PAFAH1B1: variants seen among roughly 807,000 people sequenced by gnomAD.
PAFAH1B1 encodes platelet activating factor acetylhydrolase 1b regulatory subunit 1, also known as platelet-activating factor acetylhydrolase IB subunit beta.
In PAFAH1B1, 2 loss-of-function variants were observed where a neutral mutation model predicts 57.5. That is an observed-to-expected ratio of 0.03 (90% CI 0.01 to 0.11). PAFAH1B1 has a LOEUF of 0.11. Among genes scored for constraint, PAFAH1B1 ranks in the 10% least tolerant of loss-of-function variants. PAFAH1B1 has a pLI of 1.00. For synonymous variants in PAFAH1B1, 152 were observed against 169.6 expected, an observed-to-expected ratio of 0.90 and a Z score of 0.81; for missense variants, 257 against 512.0, an observed-to-expected ratio of 0.50 and a Z score of 4.81.
At chr17:2,679,053 G>T (rs2069320590) in intron 9 of PAFAH1B1, among the ~76,000 whole-genome samples, 2 of 152,034 alleles carry the variant, frequency 1.3e-5, no homozygotes, top group Non-Finnish European at 2.9e-5. Flanking sequence ...GGCGTACATG[G>T]ACAGTAGCTA....
intron 2 of PAFAH1B1, among the ~76,000 whole-genome samples, chr17:2,653,848 G>T (rs956845976): frequency 6.6e-5 from 10 of 151,822 alleles, no homozygotes; most frequent in African/African-American, 2.2e-4. Flanking sequence ...ATACTCTGTT[G>T]CCCAGGCTGG....
intron 9 of PAFAH1B1, among the ~76,000 whole-genome samples, chr17:2,677,284 T>A (rs1279372161): frequency 6.6e-6 from 1 of 152,240 alleles, no homozygotes; most frequent in Non-Finnish European, 1.5e-5. Context: ...TTAACTGTTA[T>A]ACCTCCTTGC....
intron 1 of PAFAH1B1, among the ~76,000 whole-genome samples, chr17:2,614,263 A>G (rs140551132): frequency 1.3e-5 from 2 of 151,996 alleles, no homozygotes; most frequent in Non-Finnish European, 2.9e-5. Flanking sequence ...CCTGAGCTCA[A>G]GGGATCCTCA....
At chr17:2,680,017 A>C (rs747064499) in intron 9 of PAFAH1B1, 147 bp from the exon 10 acceptor site, 2 of 751,384 alleles carry the variant, frequency 2.7e-6, no homozygotes, top group East Asian at 5.0e-5. Flanking sequence ...ATGAGTTTTC[A>C]GTTTCCTTTA....
At chr17:2,672,495 C>T (rs921462124) in intron 6 of PAFAH1B1, among the ~76,000 whole-genome samples, 160 bp from the exon 7 acceptor site, 19 of 151,666 alleles carry the variant, frequency 1.3e-4, no homozygotes, top group East Asian at 7.8e-4. Flanking sequence ...TTAACTTTAT[C>T]GTGTAAATCC....
At chr17:2,664,927 G>C (rs1219315271) in intron 2 of PAFAH1B1, among the ~76,000 whole-genome samples, 1 of 151,922 alleles carries the variant, frequency 6.6e-6, no homozygotes, top group Non-Finnish European at 1.5e-5. Flanking sequence ...AAATACTTTA[G>C]TTTTCTCAAA....
chr17:2,632,645 G>C (rs1355455838), intron 1 of PAFAH1B1, among the ~76,000 whole-genome samples: 1 of 152,058 alleles, frequency 6.6e-6, no homozygotes, highest in African/African-American at 2.4e-5. Flanking sequence ...AAATATGTCT[G>C]TACTGAATAT....
intron 1 of PAFAH1B1, among the ~76,000 whole-genome samples, chr17:2,614,963 C>A (rs1006440063): frequency 6.6e-6 from 1 of 152,176 alleles, no homozygotes; most frequent in African/African-American, 2.4e-5. Flanking sequence ...TTTGTCCTCA[C>A]ATTCCTTCCC....
chr17:2,602,812 C>T (rs2068160264), intron 1 of PAFAH1B1, among the ~76,000 whole-genome samples: 1 of 152,228 alleles, frequency 6.6e-6, no homozygotes, highest in Non-Finnish European at 1.5e-5. Context: ...TATTCGTTTA[C>T]TCCTCACAAC....
intron 8 of PAFAH1B1, among the ~76,000 whole-genome samples, chr17:2,676,032 C>T (rs544264339): frequency 6.6e-6 from 1 of 152,260 alleles, no homozygotes; most frequent in Admixed American, 6.5e-5. Context: ...CTGAGTCCTT[C>T]CTGTGTAGCA....
chr17:2,654,948 T>C (rs555434683), intron 2 of PAFAH1B1, among the ~76,000 whole-genome samples: 3,703 of 150,312 alleles, frequency 0.025, 163 homozygotes, highest in African/African-American at 0.087. Flanking sequence ...GGCTTTTTTT[T>C]TTCTTCTTTT....
chr17:2,644,266 G>A (rs1252053976), intron 2 of PAFAH1B1, among the ~76,000 whole-genome samples: 8 of 151,960 alleles, frequency 5.3e-5, no homozygotes. Flanking sequence ...TGTAGGCTGG[G>A]CACAGTGACT....
intron 1 of PAFAH1B1, among the ~76,000 whole-genome samples, chr17:2,626,770 G>T (rs1248394588): frequency 6.6e-6 from 1 of 151,996 alleles, no homozygotes; most frequent in African/African-American, 2.4e-5. Flanking sequence ...GGCCAGGCTG[G>T]TCTTGAAGTC....
chr17:2,670,133 G>T (rs562369565), intron 5 of PAFAH1B1, 30 bp from the exon 6 acceptor site: 3 of 1,607,476 alleles, frequency 1.9e-6, no homozygotes, highest in South Asian at 1.1e-5. Context: ...GATGGAGTTG[G>T]TGTTAACCAA....
intron 4 of PAFAH1B1, among the ~76,000 whole-genome samples, chr17:2,666,387 A>G (rs1297948468): frequency 1.3e-5 from 2 of 152,174 alleles, no homozygotes; most frequent in Non-Finnish European, 2.9e-5. Flanking sequence ...ATTGTGATTA[A>G]TGCTGGGAAA....
intron 1 of PAFAH1B1, among the ~76,000 whole-genome samples, chr17:2,594,219 A>C (rs536748124): frequency 8.6e-5 from 13 of 152,012 alleles, no homozygotes; most frequent in Admixed American, 2.0e-4. Flanking sequence ...GACCCGGAGG[A>C]GGGGGACTGT....
chr17:2,658,038 A>G (rs1431820477), intron 2 of PAFAH1B1, among the ~76,000 whole-genome samples: 2 of 152,238 alleles, frequency 1.3e-5, no homozygotes, highest in Non-Finnish European at 2.9e-5. Flanking sequence ...ATATTTTTAT[A>G]GGAATATATC....
chr17:2,620,587 G>T (rs545752560), intron 1 of PAFAH1B1, among the ~76,000 whole-genome samples: 1 of 152,194 alleles, frequency 6.6e-6, no homozygotes, highest in South Asian at 2.1e-4. Context: ...AGCGTGGCCG[G>T]GCGCCGTTGC....
chr17:2,616,654 T>G (rs547346575), intron 1 of PAFAH1B1, among the ~76,000 whole-genome samples: 24 of 152,316 alleles, frequency 1.6e-4, no homozygotes, highest in African/African-American at 5.5e-4. Context: ...CACAGCAACA[T>G]CTAAACTATT....
Sources: gnomAD v4.1 joint callset for allele counts (sites outside exome capture counted in the v4.1 genomes callset) on GRCh38, gnomAD v4.1.1 for gene constraint, MANE v1.5 for transcripts, NCBI Gene and HGNC (gene_info 2026-07-23, HGNC 2026-07-21) for gene names.